The following RARRES2 variants were observed in gnomAD, a reference collection of about 807,000 sequenced individuals.
RARRES2 encodes the protein retinoic acid receptor responder protein 2.
Under a neutral mutation model 17.9 loss-of-function variants are expected in RARRES2, and 12 were observed. That is an observed-to-expected ratio of 0.67 (90% CI 0.43 to 1.08). RARRES2 has a LOEUF of 1.08. Ranked by LOEUF, RARRES2 falls within the 50% of genes least tolerant of loss-of-function variation. The pLI is 0.00. For synonymous variants in RARRES2, 82 were observed against 86.8 expected, an observed-to-expected ratio of 0.94 and a Z score of 0.31; for missense variants, 220 against 210.1, an observed-to-expected ratio of 1.05 and a Z score of -0.29.
At chr7:150,340,381 C>T (rs543290329) in intron 2 of RARRES2, 55 bp downstream of exon 2, 3 of 1,555,284 alleles carry the variant, frequency 1.9e-6, no homozygotes, top group Admixed American at 3.7e-5. Context: ...CGTGGGAATG[C>T]GCTGGTCTCC....
intron 1 of RARRES2, 157 bp from the exon 2 acceptor site, chr7:150,340,786 A>C: frequency 1.6e-6 from 1 of 632,554 alleles, no homozygotes; most frequent in Non-Finnish European, 2.6e-6. Context: ...CTTTCTCCAA[A>C]TTGACCTTAG....
Position 150,339,956 on chromosome 7 carries a change from G to A in RARRES2, c.279+144C>T, listed in dbSNP as rs112335530. 2,711 of 758,092 alleles carry A rather than the reference G, an allele frequency of 3.6e-3. 26 individuals carry two copies. Among genetic ancestry groups the A allele is most frequent in the South Asian group, 0.015 (926 of 63,514 alleles). The allele number at this position is 758,092 out of a possible 1,614,324, so 47.0% of individuals were successfully genotyped here. A position where few individuals can be genotyped will look rare whatever the true frequency, so the allele number is the denominator to read the frequency against. ...CACTCCACCTCTAAGGAGGCTCTTCGCAGTGGGGTCTCTAACCTCAGGGCT... is the reference window on the plus strand; with the variant it reads ...CACTCCACCTCTAAGGAGGCTCTTCACAGTGGGGTCTCTAACCTCAGGGCT... On this transcript the variant is annotated intron_variant, in intron 3 of 5. Transcript: ENST00000223271.
intron 2 of RARRES2, 59 bp downstream of exon 2, chr7:150,340,377 A>G (rs1020379800): frequency 1.2e-5 from 19 of 1,554,384 alleles, no homozygotes; most frequent in Middle Eastern, 2.2e-4. Context: ...CCTTCGTGGG[A>G]ATGCGCTGGT....
chr7:150,339,058 G>A lies in RARRES2; in HGVS notation c.303C>T (p.Cys101=). 14 of 1,612,536 alleles carry A rather than the reference G, an allele frequency of 8.7e-6. No individual in the cohort carries two copies. The highest frequency in any genetic ancestry group is 1.2e-5 in the Non-Finnish European group (14 of 1,178,582). The change falls in exon 4 of 6, where the codon TGC becomes TGT. Residue 101 remains cysteine (C), a synonymous_variant. Coordinates refer to ENST00000223271, the MANE Select transcript of RARRES2 (RefSeq NM_002889.4). The part of the protein sequence containing the change: ...PNGRKRKCLA[C]IKLGSEDKVL... Reference sequence around the variant, plus strand: ...CTTTGTCCTCAGAGCCCAGTTTGATGCAGGCCAGGCATTTCCGTTTCCTCT... The same window carrying A: ...CTTTGTCCTCAGAGCCCAGTTTGATACAGGCCAGGCATTTCCGTTTCCTCT...
At position 150,340,197 on chromosome 7, in the gene RARRES2, G is replaced by A. The variant is rs780917203; in HGVS notation, c.182C>T (p.Pro61Leu). Residue 61 changes from proline to leucine, a missense_variant, in exon 3 of 6, where the codon CCA (proline) becomes CTA (leucine). Coordinates refer to ENST00000223271, the MANE Select transcript of RARRES2 (RefSeq NM_002889.4). ...SVESAVDTPF[P>L]AGIFVRLEFK... ...TTCCAGCCTCACAAATATTCCAGCT[G>A]GGAAGGGCTGCGGACAGACAGGCAG... 5 of 1,613,984 alleles carry A rather than the reference G, an allele frequency of 3.1e-6. No individual in the cohort carries two copies. In the East Asian group the frequency reaches 8.9e-5, roughly 29 times the overall value.
chr7:150,339,301 A>G (rs1363800301), intron 3 of RARRES2, among the ~76,000 whole-genome samples: 3 of 152,096 alleles, frequency 2.0e-5, no homozygotes, highest in Non-Finnish European at 4.4e-5. Flanking sequence ...TGGAACTTTC[A>G]TGTGTGTGCA....
At chr7:150,339,188 A>C in intron 3 of RARRES2, 107 bp from the exon 4 acceptor site, 2 of 1,076,110 alleles carry the variant, frequency 1.9e-6, no homozygotes, top group Non-Finnish European at 1.4e-6. Flanking sequence ...CAGATCCCCA[A>C]CTAGGCCCTC....
Position 150,340,479 on chromosome 7 carries a change from T to C in RARRES2, c.131A>G (p.Gln44Arg). 6.2e-7 allele frequency: 1 copy of C among 1,610,024 alleles called. No homozygotes were observed. Among genetic ancestry groups the C allele is most frequent in the South Asian group, 1.1e-5 (1 of 90,348 alleles). ...LEEFHKHPPV[Q>R]WAFQETSVES... The stretch of plus-strand genomic sequence containing the variant: ...CACACTGGTCTCCTGGAAGGCCCAC[T>C]GCACGGGCGGGTGCTTGTGAAATTC... The change falls in exon 2 of 6, where the codon CAG becomes CGG. Residue 44 changes from glutamine (Q) to arginine (R), a missense_variant. Physicochemically the swap from Gln to Arg is conservative, Grantham distance 43 (BLOSUM62 1). Coordinates refer to ENST00000223271, the MANE Select transcript of RARRES2 (RefSeq NM_002889.4).
Position 150,339,036 on chromosome 7 carries a change from T to C in RARRES2, c.325A>G (p.Lys109Glu), listed in dbSNP as rs760662057. ...LACIKLGSEDKVLGRLVHCPI... is the reference protein window; with the variant it reads ...LACIKLGSEDEVLGRLVHCPI... ...CAGTGGACCAACCGGCCCAGAACTT[T>C]GTCCTCAGAGCCCAGTTTGATGCAG... The change falls in exon 4 of 6, where the codon AAA (lysine) becomes GAA (glutamate). Residue 109 changes from lysine to glutamate, a missense_variant. By Grantham distance (56) the Lys-to-Glu change is moderately conservative. Transcript: ENST00000223271. 1 of 1,613,658 alleles carries C rather than the reference T, an allele frequency of 6.2e-7. No individual in the cohort carries two copies. Among genetic ancestry groups the C allele is most frequent in the Non-Finnish European group, 8.5e-7 (1 of 1,179,600 alleles).
chr7:150,340,811 T>A (rs559380401), intron 1 of RARRES2, 182 bp from the exon 2 acceptor site: 19 of 551,306 alleles, frequency 3.4e-5, no homozygotes, highest in Non-Finnish European at 5.9e-5. Context: ...CGCCTGGCCC[T>A]CTCCGTTCCC....
At chr7:150,339,986 A>T in intron 3 of RARRES2, 114 bp downstream of exon 3, 2 of 949,768 alleles carry the variant, frequency 2.1e-6, no homozygotes, top group Non-Finnish European at 3.3e-6. Flanking sequence ...AGGGCTTCTT[A>T]ATGGACCTCC....
At chr7:150,339,997 C>A in intron 3 of RARRES2, 103 bp downstream of exon 3, 1 of 1,027,998 alleles carries the variant, frequency 9.7e-7, no homozygotes, top group Non-Finnish European at 1.5e-6. Context: ...ATGGACCTCC[C>A]AATTCATGCA....
In RARRES2 at chr7:150,338,745, C is replaced by G. The variant is rs1300978644; in HGVS notation, c.376-4G>C. 1.3e-6 allele frequency: 2 copies of G among 1,557,874 alleles called. No homozygotes were observed. Among genetic ancestry groups the G allele is most frequent in the Non-Finnish European group, 1.7e-6 (2 of 1,150,418 alleles). On this transcript the variant is annotated splice_polypyrimidine_tract_variant and splice_region_variant and intron_variant, in intron 4 of 5. Transcript: ENST00000223271. ...TCTCCTGGTGCTCCTCAGCCTCCTG[C>G]CAGTGCCCAAAACTGTTCAGGCAGT...
In RARRES2 at chr7:150,340,588, G is replaced by A; in HGVS notation, c.22C>T (p.Leu8=). 1 of 1,546,126 alleles carries A rather than the reference G, an allele frequency of 6.5e-7. No individual in the cohort carries two copies. The highest frequency in any genetic ancestry group is 1.4e-5 in the African/African-American group (1 of 73,486). MRRLLIP[L]ALWLGAVGVG... is the part of the protein sequence containing the mutation. ...CCCACCGCACCCAGCCACAGGGCCA[G>A]AGGGATCAGCAGCCGTCGCATGCTT... Residue 8 remains leucine (L), a synonymous_variant, in exon 2 of 6, where the codon CTG becomes TTG. Transcript: ENST00000223271.
At chr7:150,339,469 C>G (rs552250721) in intron 3 of RARRES2, among the ~76,000 whole-genome samples, 4 of 152,252 alleles carry the variant, frequency 2.6e-5, no homozygotes, top group African/African-American at 9.6e-5. Context: ...ATGGGTTCTT[C>G]CCACCCAACG....
At position 150,340,556 on chromosome 7, in the gene RARRES2, G is replaced by A; in HGVS notation, c.54C>T (p.Gly18=). 1.9e-6 allele frequency: 3 copies of A among 1,570,086 alleles called. No individual in the cohort carries two copies. Among genetic ancestry groups the A allele is most frequent in the East Asian group, 2.4e-5 (1 of 42,504 alleles). ...GCTGGGCTTCCGTGAGCTCGGCGAC[G>A]CCCACGCCCACCGCACCCAGCCACA... ...LALWLGAVGV[G]VAELTEAQRR... Residue 18 remains glycine, a synonymous_variant, in exon 2 of 6, where the codon GGC becomes GGT. Coordinates refer to ENST00000223271, the MANE Select transcript of RARRES2 (RefSeq NM_002889.4).
intron 5 of RARRES2, 42 bp downstream of exon 5, chr7:150,338,573 C>T (rs1441037144): frequency 4.5e-6 from 7 of 1,543,262 alleles, no homozygotes; most frequent in Admixed American, 4.0e-5. Flanking sequence ...ATTCCCAGGG[C>T]TGGCCTCATC....
At chr7:150,340,268 G>A (rs1798450482) in intron 2 of RARRES2, 64 bp from the exon 3 acceptor site, 3 of 1,580,054 alleles carry the variant, frequency 1.9e-6, no homozygotes, top group Middle Eastern at 1.7e-4. Flanking sequence ...GCAAGCCCTG[G>A]TGTGATCCGC....
In RARRES2 at chr7:150,339,095, G is replaced by A; in HGVS notation, c.280-14C>T. On this transcript the variant is annotated splice_polypyrimidine_tract_variant and intron_variant, in intron 3 of 5. Transcript: ENST00000223271. ...TTTCCGTTTCCTCTGTGGGGGAGCG[G>A]GGAGCATGGGGTGAGCAGAGGAAAA... is the stretch of plus-strand genomic sequence containing the variant. The A allele has an allele frequency of 6.3e-7, 1 of 1,574,900 alleles. No homozygotes were observed. The highest frequency in any genetic ancestry group is 8.7e-7 in the Non-Finnish European group (1 of 1,144,566).
Sources: allele counts gnomAD v4.1 joint callset (sites outside exome capture counted in the v4.1 genomes callset), GRCh38; gene constraint gnomAD v4.1.1; transcripts MANE v1.5; gene names NCBI Gene and HGNC (gene_info 2026-07-23, HGNC 2026-07-21).